ITGA11: variants seen among roughly 807,000 people sequenced by gnomAD.
The protein encoded by ITGA11 is integrin subunit alpha 11, also known as integrin alpha-11.
ITGA11 carries 97 observed loss-of-function variants against 141.9 expected under a neutral mutation model. That is an observed-to-expected ratio of 0.68 (90% CI 0.58 to 0.81). The LOEUF (loss-of-function observed/expected upper bound fraction) is 0.81. ITGA11 is among the 30% of genes least tolerant of loss of function. ITGA11 has a pLI of 0.00. For missense variants in ITGA11, 1,387 were observed against 1,559.2 expected (o/e 0.89, Z 1.86); for synonymous variants, 658 against 624.6 (o/e 1.05, Z -0.80).
chr15:68,330,665 A>T (rs1411058157), intron 15 of ITGA11, among the ~76,000 whole-genome samples: 2 of 152,130 alleles, frequency 1.3e-5, no homozygotes, highest in Non-Finnish European at 2.9e-5. Context: ...GTCCTTCCAG[A>T]TGGTAAAAAC....
At chr15:68,372,533 C>T (rs549050495) in intron 2 of ITGA11, among the ~76,000 whole-genome samples, 8 of 152,344 alleles carry the variant, frequency 5.3e-5, no homozygotes, top group East Asian at 1.9e-4. Flanking sequence ...CCTGCGGAGG[C>T]GCAGGGAGCA....
rs952045673 is a variant in ITGA11, at chr15:68,298,272, G to A, written c.*4787C>T. The A allele has an allele frequency of 3.3e-5, 5 of 152,140 alleles. No homozygotes were observed. The highest frequency in any genetic ancestry group is 7.3e-5 in the Non-Finnish European group (5 of 68,032). The allele number at this position is 152,140 out of a possible 1,614,324, so 9.4% of individuals were successfully genotyped here. On this transcript the variant is annotated 3_prime_UTR_variant, in exon 30 of 30. Transcript: ENST00000315757. ...TATTTTCTAATTTGCCTGTGCTTTA[G>A]AAATTTGGTGTGCTCAGTCCATCAG...
At chr15:68,380,348 T>A (rs542542680) in intron 2 of ITGA11, among the ~76,000 whole-genome samples, 2 of 152,334 alleles carry the variant, frequency 1.3e-5, no homozygotes, top group African/African-American at 2.4e-5. Context: ...CTGCCATCTC[T>A]GAGCCTCAGT....
chr15:68,350,550 GCT>G (rs1486467891), intron 9 of ITGA11, 65 bp downstream of exon 9: 3 of 1,466,916 alleles, frequency 2.0e-6, no homozygotes, highest in Non-Finnish European at 2.8e-6. Context: ...ATTGGTTTGT[GCT>G]CTACGGGGTT....
intron 1 of ITGA11, among the ~76,000 whole-genome samples, chr15:68,423,993 C>A (rs1206029455): frequency 6.6e-6 from 1 of 152,170 alleles, no homozygotes; most frequent in Non-Finnish European, 1.5e-5. Context: ...ACTCAGAGAA[C>A]CCCCCGCCCC....
rs1295127516 is a variant in ITGA11, at chr15:68,367,158, A to T, written c.265+2026T>A. 2.0e-5 allele frequency among the ~76,000 whole-genome samples: 3 copies of T among 152,036 alleles called. No individual in the cohort carries two copies. In the South Asian group the frequency reaches 6.2e-4, roughly 32 times the overall value. On this transcript the variant is annotated intron_variant, in intron 3 of 29. Coordinates refer to ENST00000315757, the MANE Select transcript of ITGA11 (RefSeq NM_001004439.2). Reference sequence around the variant, plus strand: ...CCACTGCCTCCTAGGCTTGTGCCCCAGCTCAGAAATGCTTTCCAGGGTCTC... The same window carrying T: ...CCACTGCCTCCTAGGCTTGTGCCCCTGCTCAGAAATGCTTTCCAGGGTCTC...
chr15:68,317,089 C>A lies in ITGA11; in HGVS notation c.2715+176G>T, dbSNP rs147790280. ...GCTGCTAGCATGGGGATGGCTGGCTCATTTGGTCACTTGAATGTAATTTTG... is the reference window on the plus strand; with the variant it reads ...GCTGCTAGCATGGGGATGGCTGGCTAATTTGGTCACTTGAATGTAATTTTG... On this transcript the variant is annotated intron_variant, in intron 21 of 29. Transcript: ENST00000315757. 7.6e-3 allele frequency among the ~76,000 whole-genome samples: 1,157 copies of A among 152,274 alleles called. 16 individuals are homozygous for A. The highest frequency in any genetic ancestry group is 0.025 in the East Asian group (130 of 5,184).
At chr15:68,314,316 C>A (rs1177207070) in intron 22 of ITGA11, among the ~76,000 whole-genome samples, 2 of 152,118 alleles carry the variant, frequency 1.3e-5, no homozygotes, top group Non-Finnish European at 2.9e-5. Context: ...CCTGGACTGA[C>A]CGGGGGCAGC....
chr15:68,399,847 T>A (rs1896423671), intron 2 of ITGA11, among the ~76,000 whole-genome samples: 1 of 152,048 alleles, frequency 6.6e-6, no homozygotes, highest in South Asian at 2.1e-4. Flanking sequence ...AACTACCTAT[T>A]GGGTAGCTCA....
chr15:68,354,280 G>A lies in ITGA11; in HGVS notation c.749+2871C>T, dbSNP rs116853315. Reference sequence around the variant, plus strand: ...CTAGCCTTGGTGCCTAAAATAGTGTGAGGCACATAGTAGAGGCTCAATAAA... The same window carrying A: ...CTAGCCTTGGTGCCTAAAATAGTGTAAGGCACATAGTAGAGGCTCAATAAA... On this transcript the variant is annotated intron_variant, in intron 7 of 29. Coordinates refer to ENST00000315757, the MANE Select transcript of ITGA11 (RefSeq NM_001004439.2). Among the ~76,000 whole-genome samples, 394 of 152,234 alleles carry A rather than the reference G, an allele frequency of 2.6e-3. 4 individuals are homozygous for A. The highest frequency in any genetic ancestry group is 2.6e-3 in the Non-Finnish European group (177 of 68,020).
Position 68,328,635 on chromosome 15 carries a change from G to A in ITGA11, c.1902-373C>T, listed in dbSNP as rs1894060285. On this transcript the variant is annotated intron_variant, in intron 15 of 29. Transcript: ENST00000315757. The surrounding 1 kb of genome is among the most constrained non-coding windows in gnomAD (Gnocchi z 4.8). ...CATCTGAAGAGCTTAAAAAAATCCT[G>A]GTGCCTCAGCTACACCCTAGGCAAA... Among the ~76,000 whole-genome samples the A allele has an allele frequency of 6.6e-6, 1 of 152,146 alleles. No individual in the cohort carries two copies. The highest frequency in any genetic ancestry group is 2.4e-5 in the African/African-American group (1 of 41,418).
chr15:68,350,628 A>G lies in ITGA11; in HGVS notation c.1049T>C (p.Phe350Ser). The change falls in exon 9 of 30, where the codon TTC (phenylalanine) becomes TCC (serine). Residue 350 changes from phenylalanine to serine, a missense_variant. Physicochemically the swap from Phe to Ser is radical, Grantham distance 155. Transcript: ENST00000315757. Reference protein sequence around the residue: ...DIVDALGDRIFSLEGTNKNET... With the variant: ...DIVDALGDRISSLEGTNKNET... ...CATGCATTGCTTACCTTCCAGGCTG[A>G]AGATTCTGTCCCCCAGGGCATCGAC... is the stretch of plus-strand genomic sequence containing the variant. 1 of 1,613,372 alleles carries G rather than the reference A, an allele frequency of 6.2e-7. No homozygotes were observed. Among genetic ancestry groups the G allele is most frequent in the Non-Finnish European group, 8.5e-7 (1 of 1,179,530 alleles).
chr15:68,352,488 G>A (rs1209169420), intron 7 of ITGA11, among the ~76,000 whole-genome samples: 4 of 152,034 alleles, frequency 2.6e-5, no homozygotes, highest in African/African-American at 4.8e-5. Context: ...CCACCGTGCC[G>A]GGCTGGCATC....
At chr15:68,379,752 T>C (rs962908507) in intron 2 of ITGA11, among the ~76,000 whole-genome samples, 5 of 152,252 alleles carry the variant, frequency 3.3e-5, no homozygotes, top group African/African-American at 1.2e-4. Context: ...TTCCAAGTCA[T>C]GCTCAGAGGT....
intron 11 of ITGA11, among the ~76,000 whole-genome samples, chr15:68,338,437 G>T (rs1053272523): frequency 6.6e-6 from 1 of 152,216 alleles, no homozygotes; most frequent in African/African-American, 2.4e-5. Flanking sequence ...GGCATCAACT[G>T]CAGGTGCTAT....
chr15:68,392,103 A>G (rs1055519212), intron 2 of ITGA11, among the ~76,000 whole-genome samples: 1 of 152,232 alleles, frequency 6.6e-6, no homozygotes, highest in Non-Finnish European at 1.5e-5. Context: ...ACAGGCAATT[A>G]CTATTCAATT....
intron 24 of ITGA11, among the ~76,000 whole-genome samples, chr15:68,312,123 A>C (rs1343672143): frequency 6.6e-6 from 1 of 152,258 alleles, no homozygotes; most frequent in Non-Finnish European, 1.5e-5. Context: ...GGGGCCCACT[A>C]TAGCAGAGGC....
intron 21 of ITGA11, among the ~76,000 whole-genome samples, 175 bp downstream of exon 21, chr15:68,317,090 A>G (rs16951765): frequency 0.081 from 12,350 of 152,238 alleles, 1,723 homozygotes; most frequent in African/African-American, 0.28. Context: ...TGGCTGGCTC[A>G]TTTGGTCACT....
intron 1 of ITGA11, among the ~76,000 whole-genome samples, chr15:68,422,133 C>T (rs373840531): frequency 5.3e-5 from 8 of 152,166 alleles, no homozygotes; most frequent in African/African-American, 1.9e-4. Context: ...TGGGGCGCTC[C>T]CTCTCACTCA....
Sources: allele counts gnomAD v4.1 joint callset (sites outside exome capture counted in the v4.1 genomes callset), GRCh38; gene constraint gnomAD v4.1.1; non-coding constraint Gnocchi (gnomAD v3.1); transcripts MANE v1.5; gene names NCBI Gene and HGNC (gene_info 2026-07-23, HGNC 2026-07-21).